Variants in CLVS1 observed in about 807,000 individuals in gnomAD.
CLVS1 encodes the protein clavesin 1.
Under a neutral mutation model 33.1 loss-of-function variants are expected in CLVS1, and 10 were observed. The observed-to-expected ratio is 0.30, with a 90% CI of 0.19 to 0.51. The LOEUF (loss-of-function observed/expected upper bound fraction) is 0.51, where lower values mean the gene tolerates loss of function less well. Ranked by LOEUF, CLVS1 falls within the 20% of genes least tolerant of loss-of-function variation. The pLI, the probability that CLVS1 is intolerant of heterozygous loss-of-function variation, is 0.97. For missense variants in CLVS1, 343 were observed against 433.4 expected (o/e 0.79, Z 1.85); for synonymous variants, 163 against 166.1 (o/e 0.98, Z 0.14).
At chr8:61,178,447 C>T (rs932177079) in intron 2 of CLVS1, among the ~76,000 whole-genome samples, 2 of 152,146 alleles carry the variant, frequency 1.3e-5, no homozygotes, top group Non-Finnish European at 2.9e-5. Flanking sequence ...AGGAGAACTT[C>T]CCCAACCTAG....
intron 2 of CLVS1, among the ~76,000 whole-genome samples, chr8:61,133,063 G>C (rs1323131587): frequency 6.6e-6 from 1 of 152,156 alleles, no homozygotes; most frequent in Non-Finnish European, 1.5e-5. Flanking sequence ...ATAGCAACCA[G>C]CATGCTTCCA....
chr8:61,242,291 T>C (rs7013283), intron 2 of CLVS1, among the ~76,000 whole-genome samples: 21,973 of 152,170 alleles, frequency 0.14, 3,342 homozygotes, highest in East Asian at 0.68. Context: ...TCATGGTAGA[T>C]TTTAAAAATT....
intron 3 of CLVS1, among the ~76,000 whole-genome samples, chr8:61,424,168 A>G (rs921661423): frequency 2.0e-5 from 3 of 152,150 alleles, no homozygotes; most frequent in African/African-American, 4.8e-5. Flanking sequence ...CACTATAATC[A>G]TTCACCTGTG....
the CLVS1 span, among the ~76,000 whole-genome samples, chr8:61,017,706 GT>G: frequency 6.6e-6 from 1 of 152,252 alleles, no homozygotes; most frequent in Non-Finnish European, 1.5e-5. Context: ...TCAGGCTCCA[GT>G]TTGCAACCTT....
intron 2 of CLVS1, chr8:61,202,340 G>A: frequency 2.8e-6 from 2 of 726,420 alleles, no homozygotes; most frequent in Admixed American, 1.9e-5. Flanking sequence ...CTAAGTGCGT[G>A]CTGCCTCCCG....
intron 2 of CLVS1, among the ~76,000 whole-genome samples, chr8:61,268,237 A>G (rs1342743775): frequency 1.4e-5 from 2 of 143,660 alleles, no homozygotes; most frequent in Non-Finnish European, 3.0e-5. Flanking sequence ...TCATTGTTCA[A>G]TTCCCACCTA....
At chr8:61,413,472 C>G (rs1815312629) in intron 3 of CLVS1, among the ~76,000 whole-genome samples, 1 of 152,014 alleles carries the variant, frequency 6.6e-6, no homozygotes, top group Non-Finnish European at 1.5e-5. Context: ...GTGGGCTGGA[C>G]AGGAGAACCG....
chr8:61,257,443 T>A (rs888496458), intron 2 of CLVS1, among the ~76,000 whole-genome samples: 2 of 152,230 alleles, frequency 1.3e-5, no homozygotes, highest in Non-Finnish European at 2.9e-5. Flanking sequence ...TCAAGCATAC[T>A]TGAAAAGGCT....
At chr8:61,333,656 A>G (rs767562063) in intron 2 of CLVS1, among the ~76,000 whole-genome samples, 6 of 152,208 alleles carry the variant, frequency 3.9e-5, no homozygotes, top group Non-Finnish European at 8.8e-5. Context: ...GAACTCTGGG[A>G]ACACAAGATC....
At chr8:61,329,559 T>C (rs1257847330) in intron 2 of CLVS1, among the ~76,000 whole-genome samples, 3 of 152,238 alleles carry the variant, frequency 2.0e-5, no homozygotes, top group Non-Finnish European at 2.9e-5. Flanking sequence ...TTTAAGGTGA[T>C]GGATGCCCCA....
At chr8:61,267,280 A>T (rs992958353) in intron 2 of CLVS1, among the ~76,000 whole-genome samples, 19 of 151,942 alleles carry the variant, frequency 1.3e-4, no homozygotes, top group African/African-American at 4.1e-4. Context: ...TATTATTATT[A>T]TTTTTTAAGT....
chr8:61,091,232 G>A (rs758994206), intron 1 of CLVS1, among the ~76,000 whole-genome samples: 6 of 152,192 alleles, frequency 3.9e-5, no homozygotes, highest in Non-Finnish European at 8.8e-5. Context: ...GCCAAGGCAT[G>A]TCAGCAGCCT....
intron 2 of CLVS1, among the ~76,000 whole-genome samples, chr8:61,337,407 T>TTGGCTCC (rs2129597837): frequency 6.6e-6 from 1 of 152,300 alleles, no homozygotes; most frequent in South Asian, 2.1e-4. Flanking sequence ...AGCCTAGTTC[T>TTGGCTCC]TGGTTCCTGG....
chr8:61,373,754 A>G (rs541094321), intron 2 of CLVS1, among the ~76,000 whole-genome samples: 36 of 152,148 alleles, frequency 2.4e-4, no homozygotes, highest in Non-Finnish European at 3.8e-4. Context: ...TTGGTGTTGG[A>G]TAGCTATTGC....
At chr8:61,166,132 A>T (rs553484170) in intron 2 of CLVS1, among the ~76,000 whole-genome samples, 30 of 128,884 alleles carry the variant, frequency 2.3e-4, no homozygotes, top group Admixed American at 1.0e-3. Flanking sequence ...TATTTATTTT[A>T]TTTTTTTTTT....
chr8:61,461,950 T>A (rs1817383276), intron 5 of CLVS1, among the ~76,000 whole-genome samples: 1 of 152,218 alleles, frequency 6.6e-6, no homozygotes, highest in African/African-American at 2.4e-5. Flanking sequence ...TTCATCTTTA[T>A]TTCCTCAACA....
At chr8:61,187,223 A>G (rs1458469403) in intron 2 of CLVS1, among the ~76,000 whole-genome samples, 1 of 152,138 alleles carries the variant, frequency 6.6e-6, no homozygotes, top group African/African-American at 2.4e-5. Context: ...ACAGAAATTA[A>G]TTATACAGGC....
At chr8:61,349,746 C>T (rs964566010) in intron 2 of CLVS1, among the ~76,000 whole-genome samples, 3 of 151,974 alleles carry the variant, frequency 2.0e-5, no homozygotes, top group Non-Finnish European at 4.4e-5. Flanking sequence ...GGTTTGGAAA[C>T]GCCAAAAGTC....
chr8:61,372,574 T>C (rs1813482921), intron 2 of CLVS1, among the ~76,000 whole-genome samples: 1 of 152,168 alleles, frequency 6.6e-6, no homozygotes, highest in African/African-American at 2.4e-5. Context: ...TATTCATTAA[T>C]GTCCATACGT....
Sources: allele counts gnomAD v4.1 joint callset (sites outside exome capture counted in the v4.1 genomes callset), GRCh38; gene constraint gnomAD v4.1.1; transcripts MANE v1.5; gene names NCBI Gene and HGNC (gene_info 2026-07-23, HGNC 2026-07-21).